Variants in CSMD1 observed in about 807,000 individuals in gnomAD.
The protein encoded by CSMD1 is CUB and Sushi multiple domains 1, also known as CUB and sushi domain-containing protein 1.
Under a neutral mutation model 417.5 loss-of-function variants are expected in CSMD1, and 213 were observed. That is an observed-to-expected ratio of 0.51 (90% CI 0.46 to 0.57). CSMD1 has a LOEUF of 0.57. Among genes scored for constraint, CSMD1 ranks in the 20% least tolerant of loss-of-function variants. The pLI is 0.00. For missense variants in CSMD1, 6,923 were observed against 4,529.7 expected (o/e 1.53, Z -15.17); for synonymous variants, 2,862 against 1,736.8 (o/e 1.65, Z -16.11).
At chr8:4,810,526 CGTGTGTGT>C (rs34993933) in intron 1 of CSMD1, among the ~76,000 whole-genome samples, 1 of 151,390 alleles carries the variant, frequency 6.6e-6, no homozygotes, top group African/African-American at 2.4e-5. Context: ...GTAAAATACA[CGTGTGTGT>C]GTGTGTGCGC....
rs573272803 is a variant in CSMD1, at chr8:3,311,366, C to T, written c.3632-2863G>A. On this transcript the variant is annotated intron_variant, in intron 23 of 69. Coordinates refer to ENST00000635120, the MANE Select transcript of CSMD1 (RefSeq NM_033225.6). ...CTGGGTTCCAGTGATTCTCCTGCCT[C>T]AGCCTCCTGAATAGCTGGGACTATA... 5.3e-5 allele frequency among the ~76,000 whole-genome samples: 8 copies of T among 152,244 alleles called. No homozygotes were observed. The South Asian group carries it at 1.7e-3, about 32-fold the overall frequency.
intron 18 of CSMD1, among the ~76,000 whole-genome samples, chr8:3,385,548 C>T (rs1345042872): frequency 6.6e-6 from 1 of 152,034 alleles, no homozygotes; most frequent in Non-Finnish European, 1.5e-5. Context: ...CAATGTTACA[C>T]AATACTTCTA....
At chr8:3,788,843 T>C (rs1452796025) in intron 5 of CSMD1, among the ~76,000 whole-genome samples, 4 of 152,112 alleles carry the variant, frequency 2.6e-5, no homozygotes, top group Non-Finnish European at 5.9e-5. Context: ...CACACTAACA[T>C]TCTGGGGTAG....
At chr8:3,851,113 A>G (rs1444290462) in intron 5 of CSMD1, among the ~76,000 whole-genome samples, 1 of 152,204 alleles carries the variant, frequency 6.6e-6, no homozygotes, top group African/African-American at 2.4e-5. Context: ...TTAAAGATGA[A>G]TTGTTTTCCA....
intron 3 of CSMD1, among the ~76,000 whole-genome samples, chr8:4,058,270 C>T (rs539015188): frequency 1.8e-4 from 27 of 151,974 alleles, no homozygotes; most frequent in Admixed American, 5.2e-4. Context: ...AGTTGGATTC[C>T]TAGGTATTTT....
intron 3 of CSMD1, among the ~76,000 whole-genome samples, chr8:4,143,003 A>T (rs76090540): frequency 6.7e-6 from 1 of 149,996 alleles, no homozygotes; most frequent in Non-Finnish European, 1.5e-5. Flanking sequence ...AAAAAAAAAA[A>T]TGCTCTCCAT....
At chr8:4,255,343 T>C (rs1203957080) in intron 3 of CSMD1, among the ~76,000 whole-genome samples, 2 of 152,204 alleles carry the variant, frequency 1.3e-5, no homozygotes, top group East Asian at 1.9e-4. Flanking sequence ...TCTGCAGTCA[T>C]TGTTCTTGAG....
chr8:3,491,092 T>C (rs768482634), intron 11 of CSMD1, among the ~76,000 whole-genome samples: 4 of 152,130 alleles, frequency 2.6e-5, no homozygotes, highest in Non-Finnish European at 5.9e-5. Flanking sequence ...AATGTCTACA[T>C]ACAAAGATAT....
intron 6 of CSMD1, among the ~76,000 whole-genome samples, chr8:3,751,959 T>C (rs368761377): frequency 8.5e-5 from 13 of 152,324 alleles, no homozygotes; most frequent in South Asian, 6.2e-4. Context: ...TATTGACTTA[T>C]GGTTATGTTA....
intron 37 of CSMD1, among the ~76,000 whole-genome samples, chr8:3,178,811 T>C (rs184483323): frequency 3.3e-5 from 5 of 152,286 alleles, no homozygotes; most frequent in Admixed American, 1.3e-4. Context: ...GTCCATATCT[T>C]AAAATAAATG....
intron 3 of CSMD1, among the ~76,000 whole-genome samples, chr8:4,064,353 T>A (rs559693944): frequency 6.6e-6 from 1 of 152,204 alleles, no homozygotes; most frequent in Non-Finnish European, 1.5e-5. Flanking sequence ...TTTCACAAAT[T>A]GTATCTCTGT....
intron 21 of CSMD1, among the ~76,000 whole-genome samples, chr8:3,355,162 C>A (rs979613116): frequency 4.0e-5 from 6 of 151,150 alleles, no homozygotes; most frequent in African/African-American, 1.5e-4. Flanking sequence ...TACAGTTAAT[C>A]AATAAGAGGA....
chr8:3,275,854 C>T (rs187032783), intron 26 of CSMD1, among the ~76,000 whole-genome samples: 45 of 152,188 alleles, frequency 3.0e-4, no homozygotes, highest in African/African-American at 9.9e-4. Flanking sequence ...TAGTTTTCAA[C>T]TTCTTTGCCT....
At chr8:3,324,244 T>C (rs1171940334) in intron 23 of CSMD1, among the ~76,000 whole-genome samples, 4 of 137,440 alleles carry the variant, frequency 2.9e-5, no homozygotes. Flanking sequence ...AGGGGGAGTT[T>C]CCTTCACCCC....
At chr8:3,990,133 T>G (rs923424518) in intron 5 of CSMD1, among the ~76,000 whole-genome samples, 1 of 152,210 alleles carries the variant, frequency 6.6e-6, no homozygotes, top group African/African-American at 2.4e-5. Context: ...TTAACAGCGT[T>G]AATTTAGTTT....
chr8:4,962,873 C>A (rs901622577), intron 1 of CSMD1, among the ~76,000 whole-genome samples: 1 of 152,144 alleles, frequency 6.6e-6, no homozygotes, highest in Admixed American at 6.6e-5. Context: ...AGAGGCACTG[C>A]CACTTAATTC....
At chr8:4,574,177 A>T (rs889751476) in intron 2 of CSMD1, among the ~76,000 whole-genome samples, 4 of 151,478 alleles carry the variant, frequency 2.6e-5, no homozygotes, top group South Asian at 4.2e-4. Flanking sequence ...GTCCAAAAAA[A>T]ACCTCTTGCA....
intron 26 of CSMD1, chr8:3,278,581 C>G (rs969038972): frequency 4.6e-5 from 7 of 152,046 alleles, no homozygotes; most frequent in African/African-American, 1.7e-4. Context: ...ATAACTAATT[C>G]CAATGTTTTA....
chr8:3,799,138 A>C (rs1800321561), intron 5 of CSMD1, among the ~76,000 whole-genome samples: 1 of 152,136 alleles, frequency 6.6e-6, no homozygotes, highest in Non-Finnish European at 1.5e-5. Context: ...GTTTTATTTA[A>C]CACTTCAATA....
Sources: gnomAD v4.1 joint callset for allele counts (sites outside exome capture counted in the v4.1 genomes callset) on GRCh38, gnomAD v4.1.1 for gene constraint, MANE v1.5 for transcripts, NCBI Gene and HGNC (gene_info 2026-07-23, HGNC 2026-07-21) for gene names.